DYM: variants seen among roughly 807,000 people sequenced by gnomAD.
The protein encoded by DYM is dyggve-Melchior-Clausen syndrome protein.
A neutral mutation model predicts 93.1 loss-of-function variants in DYM; 78 were observed. That is an observed-to-expected ratio of 0.84 (90% CI 0.70 to 1.01). The LOEUF is 1.01. Ranked by LOEUF, DYM falls within the 50% of genes least tolerant of loss-of-function variation. The probability of loss-of-function intolerance (pLI) is 0.00; values close to 1 mark genes in which losing one functional copy is unlikely to be tolerated. For synonymous variants in DYM, 321 were observed against 319.7 expected (o/e 1.00, Z -0.04); for missense variants, 789 against 845.0 (o/e 0.93, Z 0.82).
chr18:49,170,279 T>C (rs1198673292), intron 14 of DYM, among the ~76,000 whole-genome samples: 4 of 152,120 alleles, frequency 2.6e-5, no homozygotes, highest in Non-Finnish European at 5.9e-5. Flanking sequence ...CATTGCTGGC[T>C]CTAGAATCTG....
chr18:49,119,897 G>A (rs1031063992), intron 15 of DYM, among the ~76,000 whole-genome samples: 4 of 151,928 alleles, frequency 2.6e-5, no homozygotes, highest in African/African-American at 9.7e-5. Context: ...AGACCAGCCT[G>A]GGCAACATGA....
At chr18:49,213,693 A>G (rs1292866178) in intron 13 of DYM, among the ~76,000 whole-genome samples, 4 of 152,216 alleles carry the variant, frequency 2.6e-5, no homozygotes, top group Non-Finnish European at 4.4e-5. Context: ...ACCTTTACCT[A>G]GACTGATAAA....
At chr18:49,327,029 GTGTGT>G (rs2062934870) in intron 8 of DYM, among the ~76,000 whole-genome samples, 1 of 136,858 alleles carries the variant, frequency 7.3e-6, no homozygotes, top group Non-Finnish European at 1.6e-5. Flanking sequence ...GTGTGTGTGT[GTGTGT>G]GTGGTGGGGG....
In DYM at chr18:49,039,491, CCT is replaced by C. The variant is rs2070823921; in HGVS notation, c.*4562_*4563del. ...GTTCTCAGCCATTTGTTTAAATATT[CCT>C]TTCTTCTACTCTTTTGAGATGCCAA... is the stretch of plus-strand genomic sequence containing the variant. On this transcript the variant is annotated 3_prime_UTR_variant, in exon 18 of 18. Coordinates refer to ENST00000675505, the MANE Select transcript of DYM (RefSeq NM_001353214.3). 6.6e-6 allele frequency among the ~76,000 whole-genome samples: 1 copy of C among 152,022 alleles called. No individual in the cohort carries two copies. Among genetic ancestry groups the C allele is most frequent in the Non-Finnish European group, 1.5e-5 (1 of 67,990 alleles).
intron 14 of DYM, among the ~76,000 whole-genome samples, chr18:49,187,616 A>G (rs1186070262): frequency 6.6e-6 from 1 of 152,218 alleles, no homozygotes; most frequent in Non-Finnish European, 1.5e-5. Flanking sequence ...AGATATTTTT[A>G]ATGGGATGAT....
chr18:49,168,216 C>CCT lies in DYM; in HGVS notation c.1626-4431_1626-4430dup, dbSNP rs1171234594. On this transcript the variant is annotated intron_variant, in intron 14 of 17. Transcript: ENST00000675505. The stretch of plus-strand genomic sequence containing the variant: ...GAGTCCAGCTCTCACATGAGTACTC[C>CCT]CTCTCTCTCTATATATATATATATG... Among the ~76,000 whole-genome samples, 590 of 150,436 alleles carry CCT rather than the reference C, an allele frequency of 3.9e-3. 2 individuals are homozygous for CCT. Among genetic ancestry groups the CCT allele is most frequent in the African/African-American group, 0.013 (523 of 40,244 alleles).
chr18:49,145,778 G>T (rs1306702075), intron 15 of DYM, among the ~76,000 whole-genome samples: 2 of 152,152 alleles, frequency 1.3e-5, no homozygotes, highest in African/African-American at 4.8e-5. Flanking sequence ...GTAGGTAGAA[G>T]ATTTATCTGT....
chr18:49,153,573 A>G (rs1359555115), intron 15 of DYM, among the ~76,000 whole-genome samples: 3 of 152,230 alleles, frequency 2.0e-5, no homozygotes, highest in African/African-American at 7.2e-5. Context: ...ACAACATGAA[A>G]GAGCTCCCAA....
chr18:49,288,842 A>C (rs935371193), intron 8 of DYM, among the ~76,000 whole-genome samples: 1 of 152,138 alleles, frequency 6.6e-6, no homozygotes, highest in Admixed American at 6.5e-5. Context: ...TAAATCTAAA[A>C]TTCAGTATAA....
At chr18:49,207,845 T>C (rs1045949016) in intron 14 of DYM, among the ~76,000 whole-genome samples, 3 of 151,992 alleles carry the variant, frequency 2.0e-5, no homozygotes, top group Admixed American at 6.6e-5. Flanking sequence ...ACATATAAAA[T>C]CTCCTATTGG....
At chr18:49,096,262 C>T (rs768527100) in intron 17 of DYM, among the ~76,000 whole-genome samples, 4 of 152,134 alleles carry the variant, frequency 2.6e-5, no homozygotes, top group African/African-American at 4.8e-5. Context: ...TGCACAGTAC[C>T]GTGTGAATCT....
chr18:49,446,129 A>G (rs1192962448), intron 1 of DYM, among the ~76,000 whole-genome samples: 4 of 152,210 alleles, frequency 2.6e-5, no homozygotes, highest in Admixed American at 2.6e-4. Flanking sequence ...AAAGCTTAAA[A>G]GAATTTTTAG....
At chr18:49,372,580 T>C (rs2067143309) in intron 5 of DYM, among the ~76,000 whole-genome samples, 2 of 151,894 alleles carry the variant, frequency 1.3e-5, no homozygotes, top group African/African-American at 4.8e-5. Flanking sequence ...CCGTCTCTAC[T>C]AAAAAAATAC....
intron 13 of DYM, among the ~76,000 whole-genome samples, chr18:49,245,158 A>C (rs1038084735): frequency 1.3e-5 from 2 of 152,170 alleles, no homozygotes; most frequent in Admixed American, 1.3e-4. Context: ...TTAATCTCTT[A>C]ATCCTGTCAT....
chr18:49,231,579 C>T (rs1418342180), intron 13 of DYM, among the ~76,000 whole-genome samples: 1 of 152,196 alleles, frequency 6.6e-6, no homozygotes, highest in African/African-American at 2.4e-5. Context: ...ATGCAGGTCA[C>T]AGTTACACTG....
At chr18:49,082,289 A>C (rs1261561569) in intron 17 of DYM, among the ~76,000 whole-genome samples, 1 of 152,256 alleles carries the variant, frequency 6.6e-6, no homozygotes, top group Non-Finnish European at 1.5e-5. Flanking sequence ...AAATGAGCAT[A>C]AACAGCCTGA....
At chr18:49,062,146 C>T (rs1599444754) in intron 17 of DYM, among the ~76,000 whole-genome samples, 1 of 152,128 alleles carries the variant, frequency 6.6e-6, no homozygotes, top group Admixed American at 6.5e-5. Flanking sequence ...AATTCTCCTG[C>T]CTTTATCTTC....
intron 17 of DYM, among the ~76,000 whole-genome samples, chr18:49,046,681 C>T (rs1005886334): frequency 5.9e-5 from 9 of 152,206 alleles, no homozygotes; most frequent in Admixed American, 2.6e-4. Context: ...AGGAGGATCA[C>T]TTGAACCCAG....
At position 49,331,941 on chromosome 18, in the gene DYM, G is replaced by A. The variant is rs2063334897; in HGVS notation, c.686C>T (p.Pro229Leu). ...AGGGAAAACATGGGCCCCTGGAGGAGGTGGCTTTTCTTGTCTGATAAAGTT... is the reference window on the plus strand; with the variant it reads ...AGGGAAAACATGGGCCCCTGGAGGAAGTGGCTTTTCTTGTCTGATAAAGTT... ...LYNFIRQEKP[P>L]PPGAHVFPQQ... Residue 229 changes from proline (P) to leucine (L), a missense_variant, in exon 8 of 18, where the codon CCT becomes CTT. Pro to Leu is a moderately conservative substitution (Grantham distance 98). This residue lies in a region of DYM where 450 missense variants were observed against 436.2 expected (regional missense o/e 1.03). Coordinates refer to ENST00000675505, the MANE Select transcript of DYM (RefSeq NM_001353214.3). 6.2e-7 allele frequency: 1 copy of A among 1,614,054 alleles called. No individual in the cohort carries two copies. Among genetic ancestry groups the A allele is most frequent in the Non-Finnish European group, 8.5e-7 (1 of 1,179,968 alleles).
Sources: gnomAD v4.1 joint callset for allele counts (sites outside exome capture counted in the v4.1 genomes callset) on GRCh38, gnomAD v4.1.1 for gene constraint, gnomAD v4.1.1 regional missense constraint, MANE v1.5 for transcripts, NCBI Gene and HGNC (gene_info 2026-07-23, HGNC 2026-07-21) for gene names.